The following RGS6 variants were observed in gnomAD, a reference collection of about 807,000 sequenced individuals.
RGS6 encodes the protein regulator of G-protein signaling 6.
In RGS6, 30 loss-of-function variants were observed where a neutral mutation model predicts 78.5. That is an observed-to-expected ratio of 0.38 (90% confidence interval 0.29 to 0.52). The LOEUF is 0.52. Ranked by LOEUF, RGS6 falls within the 20% of genes least tolerant of loss-of-function variation. RGS6 has a pLI of 0.85. For missense variants in RGS6, 495 were observed against 609.7 expected (o/e 0.81, Z 1.98); for synonymous variants, 206 against 206.0 (o/e 1.00, Z 0.00).
intron 1 of RGS6, among the ~76,000 whole-genome samples, chr14:71,944,593 G>A (rs1480316399): frequency 6.6e-6 from 1 of 152,220 alleles, no homozygotes; most frequent in African/African-American, 2.4e-5. Flanking sequence ...GTAGCAAATA[G>A]ATGATGAAGA....
At chr14:72,445,070 C>T (rs1008794979) in intron 3 of RGS6, among the ~76,000 whole-genome samples, 5 of 152,216 alleles carry the variant, frequency 3.3e-5, no homozygotes, top group African/African-American at 1.2e-4. Flanking sequence ...CTTTACCTTT[C>T]CTTCTGCCTG....
intron 12 of RGS6, among the ~76,000 whole-genome samples, chr14:72,484,173 A>G (rs2238179): frequency 0.49 from 74,582 of 151,900 alleles, 18,700 homozygotes; most frequent in East Asian, 0.82. Flanking sequence ...TTAATATTCC[A>G]ATTCCAGGTC....
At chr14:72,486,280 G>A (rs2096487023) in intron 12 of RGS6, among the ~76,000 whole-genome samples, 1 of 152,188 alleles carries the variant, frequency 6.6e-6, no homozygotes, top group East Asian at 1.9e-4. Flanking sequence ...CATAGCAGCA[G>A]GAGAATGGAC....
chr14:72,131,323 C>T (rs2096310429), intron 2 of RGS6, among the ~76,000 whole-genome samples: 1 of 152,090 alleles, frequency 6.6e-6, no homozygotes, highest in Non-Finnish European at 1.5e-5. Context: ...TTTAGGATTT[C>T]CCAGTCTACT....
intron 2 of RGS6, among the ~76,000 whole-genome samples, chr14:72,044,991 G>A (rs2092722271): frequency 6.6e-6 from 1 of 152,232 alleles, no homozygotes; most frequent in African/African-American, 2.4e-5. Context: ...GCCTTGGACT[G>A]AGAGTTACAT....
intron 2 of RGS6, among the ~76,000 whole-genome samples, chr14:72,166,657 T>A (rs374718981): frequency 1.5e-4 from 23 of 152,332 alleles, no homozygotes; most frequent in East Asian, 1.2e-3. Context: ...GACCTTCTTG[T>A]TTGAGGTCAA....
intron 17 of RGS6, among the ~76,000 whole-genome samples, chr14:72,555,092 C>T (rs2097553270): frequency 1.3e-5 from 2 of 152,206 alleles, no homozygotes. Context: ...GAATTAGGCA[C>T]TTGGCCTAGA....
intron 2 of RGS6, among the ~76,000 whole-genome samples, chr14:72,242,830 A>ATTTCT (rs2053219470): frequency 2.7e-5 from 3 of 110,752 alleles, no homozygotes; most frequent in African/African-American, 1.0e-4. Context: ...TTCCAACTTC[A>ATTTCT]TTTCTTTTCT....
chr14:72,207,651 G>A (rs1444886874), intron 2 of RGS6, among the ~76,000 whole-genome samples: 1 of 152,090 alleles, frequency 6.6e-6, no homozygotes, highest in Admixed American at 6.6e-5. Context: ...CCTCACCCAG[G>A]CTTATTCTCA....
In RGS6 at chr14:72,244,322, A is replaced by T. The variant is rs185158048; in HGVS notation, c.85-107773A>T. On this transcript the variant is annotated intron_variant, in intron 2 of 17. Transcript: ENST00000553525. ...CTTTTGTTGCTTTTCTCAAATGTCA[A>T]CCCTACCTACCTCTCTCTGAACGAA... Among the ~76,000 whole-genome samples, 13 of 150,450 alleles carry T rather than the reference A, an allele frequency of 8.6e-5. No homozygotes were observed. In the East Asian group the frequency reaches 2.2e-3, roughly 25 times the overall value.
At chr14:72,464,271 T>C (rs1465189998) in intron 6 of RGS6, among the ~76,000 whole-genome samples, 1 of 152,234 alleles carries the variant, frequency 6.6e-6, no homozygotes, top group Non-Finnish European at 1.5e-5. Context: ...TGAGTTTTCA[T>C]AGAAGCAACA....
At chr14:72,252,370 A>G (rs113932792) in intron 2 of RGS6, among the ~76,000 whole-genome samples, 1,859 of 152,354 alleles carry the variant, frequency 0.012, 43 homozygotes, top group African/African-American at 0.042. Context: ...CCTGGGATAC[A>G]GTAGTGAATC....
chr14:72,597,876 G>A, the RGS6 span, among the ~76,000 whole-genome samples: 3 of 152,292 alleles, frequency 2.0e-5, no homozygotes, highest in South Asian at 6.2e-4. Context: ...AAGGAGCTGA[G>A]AAGAGAGATG....
At chr14:71,912,847 C>G in the RGS6 span, among the ~76,000 whole-genome samples, 2 of 151,588 alleles carry the variant, frequency 1.3e-5, no homozygotes, top group Non-Finnish European at 2.9e-5. Flanking sequence ...TTTTTTGAGA[C>G]TGGAGTCTTG....
intron 2 of RGS6, among the ~76,000 whole-genome samples, chr14:72,280,531 G>A (rs1044128130): frequency 4.6e-5 from 7 of 152,168 alleles, no homozygotes; most frequent in African/African-American, 1.2e-4. Context: ...GAAAAACAAC[G>A]GCTAATGTAG....
chr14:72,608,605 G>C, the RGS6 span, among the ~76,000 whole-genome samples: 4 of 152,128 alleles, frequency 2.6e-5, no homozygotes, highest in East Asian at 5.8e-4. Context: ...AAAATCTAGG[G>C]GGCTCCTTTC....
chr14:72,544,256 A>G (rs1023138119), intron 17 of RGS6, among the ~76,000 whole-genome samples: 1 of 152,206 alleles, frequency 6.6e-6, no homozygotes, highest in African/African-American at 2.4e-5. Context: ...GGGGAGGAGA[A>G]GCTGGAGAAA....
chr14:72,595,765 G>A, the RGS6 span, among the ~76,000 whole-genome samples: 1 of 152,218 alleles, frequency 6.6e-6, no homozygotes, highest in Non-Finnish European at 1.5e-5. Context: ...ATGGTGTTGA[G>A]AGAGCCTGAG....
At chr14:72,074,019 A>G (rs186333385) in intron 2 of RGS6, among the ~76,000 whole-genome samples, 128 of 152,250 alleles carry the variant, frequency 8.4e-4, no homozygotes, top group African/African-American at 2.7e-3. Flanking sequence ...AGTTATTTCT[A>G]ATCACCCTGT....
Sources: allele counts gnomAD v4.1 joint callset (sites outside exome capture counted in the v4.1 genomes callset), GRCh38; gene constraint gnomAD v4.1.1; transcripts MANE v1.5; gene names NCBI Gene and HGNC (gene_info 2026-07-23, HGNC 2026-07-21).